CDH4: variants seen among roughly 807,000 people sequenced by gnomAD.
CDH4 encodes the protein cadherin 4.
In CDH4, 33 loss-of-function variants were observed where a neutral mutation model predicts 86.0. The observed-to-expected ratio is 0.38, with a 90% CI of 0.29 to 0.51. The LOEUF is 0.51. Ranked by LOEUF, CDH4 falls within the 20% of genes least tolerant of loss-of-function variation. The pLI is 0.86. For missense variants in CDH4, 1,114 were observed against 1,307.4 expected (o/e 0.85, Z 2.28); for synonymous variants, 555 against 549.4 (o/e 1.01, Z -0.14).
intron 2 of CDH4, among the ~76,000 whole-genome samples, chr20:61,274,881 T>C (rs764446342): frequency 2.1e-5 from 3 of 139,760 alleles, no homozygotes; most frequent in Non-Finnish European, 3.0e-5. Flanking sequence ...GAGAGTACTG[T>C]GTGCAGTTTG....
chr20:61,458,575 G>T (rs1190232996), intron 2 of CDH4, among the ~76,000 whole-genome samples: 1 of 152,100 alleles, frequency 6.6e-6, no homozygotes, highest in Non-Finnish European at 1.5e-5. Context: ...TAGTGATGAT[G>T]GTGATAATGA....
In CDH4 at chr20:61,393,005, C is replaced by G. The variant is rs529512433; in HGVS notation, c.169+138068C>G. Among the ~76,000 whole-genome samples, 11 of 152,280 alleles carry G rather than the reference C, an allele frequency of 7.2e-5. No individual in the cohort carries two copies. The highest frequency in any genetic ancestry group is 5.9e-4 in the Admixed American group (9 of 15,310). On this transcript the variant is annotated intron_variant, in intron 2 of 15. Transcript: ENST00000614565. The surrounding 1 kb of genome is among the most constrained non-coding windows in gnomAD (Gnocchi z 4.3). ...ACATGCCTTGTCGCTCAGGGCTTGACGGGATAGAAAACGTGAGGACAGAGC... is the reference window on the plus strand; with the variant it reads ...ACATGCCTTGTCGCTCAGGGCTTGAGGGGATAGAAAACGTGAGGACAGAGC...
At chr20:61,636,075 G>A (rs370294378) in intron 2 of CDH4, among the ~76,000 whole-genome samples, 13 of 152,220 alleles carry the variant, frequency 8.5e-5, no homozygotes, top group East Asian at 1.9e-4. Flanking sequence ...GGCTCCACAC[G>A]CGTGGGGGTC....
chr20:61,781,567 T>A (rs766301168), intron 4 of CDH4, among the ~76,000 whole-genome samples: 1 of 152,052 alleles, frequency 6.6e-6, no homozygotes, highest in Non-Finnish European at 1.5e-5. Context: ...TGAAGATGGA[T>A]CAATACAATT....
chr20:61,852,951 G>A (rs761958922), intron 6 of CDH4, 53 bp downstream of exon 6: 24 of 1,578,672 alleles, frequency 1.5e-5, no homozygotes, highest in Non-Finnish European at 2.1e-5. Flanking sequence ...TGCGGGTGCA[G>A]CACAGGCCCT....
At chr20:61,546,928 T>C (rs1209669749) in intron 2 of CDH4, among the ~76,000 whole-genome samples, 1 of 152,016 alleles carries the variant, frequency 6.6e-6, no homozygotes, top group South Asian at 2.1e-4. Context: ...TCTTCTTCCG[T>C]CTCCGTGCCC....
At chr20:61,836,204 T>TA (rs1204157169) in intron 4 of CDH4, among the ~76,000 whole-genome samples, 2 of 152,186 alleles carry the variant, frequency 1.3e-5, no homozygotes, top group African/African-American at 4.8e-5. Context: ...CAGGACCACT[T>TA]ACCATGGGAG....
intron 2 of CDH4, among the ~76,000 whole-genome samples, chr20:61,592,415 G>T (rs1282828165): frequency 6.6e-6 from 1 of 152,160 alleles, no homozygotes; most frequent in Non-Finnish European, 1.5e-5. Flanking sequence ...TAGCCACCGT[G>T]AAAATGGCCA....
chr20:61,261,461 CATT>C (rs1437218597), intron 2 of CDH4, among the ~76,000 whole-genome samples: 1 of 152,140 alleles, frequency 6.6e-6, no homozygotes, highest in African/African-American at 2.4e-5. Context: ...AATATAATAA[CATT>C]ATGTTCTGTC....
At chr20:61,323,708 A>G (rs552333329) in intron 2 of CDH4, among the ~76,000 whole-genome samples, 3 of 152,268 alleles carry the variant, frequency 2.0e-5, no homozygotes, top group East Asian at 3.9e-4. Context: ...TTGGGGCCAC[A>G]GGGACTGTGG....
chr20:61,607,621 C>T (rs908242277), intron 2 of CDH4, among the ~76,000 whole-genome samples: 2 of 152,188 alleles, frequency 1.3e-5, no homozygotes, highest in African/African-American at 4.8e-5. Flanking sequence ...CTCGCAATAG[C>T]ATCTTAGAGG....
At chr20:61,303,875 C>G (rs1313545955) in intron 2 of CDH4, among the ~76,000 whole-genome samples, 1 of 152,146 alleles carries the variant, frequency 6.6e-6, no homozygotes, top group Non-Finnish European at 1.5e-5. Context: ...CCAGGAGGTC[C>G]GATGGGCACG....
At position 61,709,580 on chromosome 20, in the gene CDH4, T is replaced by A. The variant is rs2087867864; in HGVS notation, c.170-33983T>A. Among the ~76,000 whole-genome samples, 1 of 146,356 alleles carries A rather than the reference T, an allele frequency of 6.8e-6. No homozygotes were observed. Among genetic ancestry groups the A allele is most frequent in the Non-Finnish European group, 1.5e-5 (1 of 65,378 alleles). On this transcript the variant is annotated intron_variant, in intron 2 of 15. Transcript: ENST00000614565. This position sits in a 1 kb window ranked among gnomAD's most constrained non-coding sequence, Gnocchi z 4.8. ...CATGAGCCACTGTGCCTGGCAATTT[T>A]TGAATGACAATTTTTTTTTTTTTAT...
intron 6 of CDH4, among the ~76,000 whole-genome samples, chr20:61,872,306 G>A (rs892546881): frequency 1.3e-5 from 2 of 152,180 alleles, no homozygotes; most frequent in African/African-American, 4.8e-5. Context: ...AGATGAGGAT[G>A]CACAGGGCCC....
chr20:61,351,174 C>T lies in CDH4; in HGVS notation c.169+96237C>T, dbSNP rs545288878. Among the ~76,000 whole-genome samples the T allele has an allele frequency of 5.3e-5, 8 of 152,302 alleles. No homozygotes were observed. In the South Asian group the frequency reaches 1.7e-3, roughly 32 times the overall value. ...TGGCCATTTGCAGGGCTCTGCCTCC[C>T]TGGATCAACCAACCACAGATCAGAA... On this transcript the variant is annotated intron_variant, in intron 2 of 15. Coordinates refer to ENST00000614565, the MANE Select transcript of CDH4 (RefSeq NM_001794.5).
chr20:61,662,341 G>A (rs1022170348), intron 2 of CDH4, among the ~76,000 whole-genome samples: 3 of 152,244 alleles, frequency 2.0e-5, no homozygotes, highest in Admixed American at 6.5e-5. Flanking sequence ...GCCGCACAGC[G>A]CAACCTCTGT....
intron 2 of CDH4, among the ~76,000 whole-genome samples, chr20:61,491,704 G>A (rs2085626745): frequency 3.3e-5 from 5 of 152,154 alleles, no homozygotes; most frequent in Admixed American, 3.3e-4. Flanking sequence ...TGTTGATGCT[G>A]GTGGTATTGA....
At chr20:61,920,411 G>C (rs1386836488) in intron 9 of CDH4, among the ~76,000 whole-genome samples, 1 of 143,286 alleles carries the variant, frequency 7.0e-6, no homozygotes, top group South Asian at 2.3e-4. Context: ...TGGAAGTGTG[G>C]TGTGATTGCG....
chr20:61,906,404 C>T (rs950225796), intron 8 of CDH4, among the ~76,000 whole-genome samples: 6 of 152,258 alleles, frequency 3.9e-5, no homozygotes, highest in African/African-American at 1.4e-4. Flanking sequence ...CCCACCAAGC[C>T]CTTAAGGAAA....
Sources: gnomAD v4.1 joint callset for allele counts (sites outside exome capture counted in the v4.1 genomes callset) on GRCh38, gnomAD v4.1.1 for gene constraint, Gnocchi (gnomAD v3.1) non-coding constraint, MANE v1.5 for transcripts, NCBI Gene and HGNC (gene_info 2026-07-23, HGNC 2026-07-21) for gene names.